The following HAUS6 variants were observed in gnomAD, a reference collection of about 807,000 sequenced individuals.
The protein encoded by HAUS6 is HAUS augmin like complex subunit 6.
HAUS6 carries 80 observed loss-of-function variants against 106.8 expected under a neutral mutation model. That is an observed-to-expected ratio of 0.75 (90% CI 0.63 to 0.90). The LOEUF (loss-of-function observed/expected upper bound fraction) is 0.90, where lower values mean the gene tolerates loss of function less well. HAUS6 is among the 40% of genes least tolerant of loss of function. The pLI is 0.00. For missense variants in HAUS6, 1,155 were observed against 1,118.1 expected, an observed-to-expected ratio of 1.03 and a Z score of -0.47; for synonymous variants, 356 against 379.1, an observed-to-expected ratio of 0.94 and a Z score of 0.71.
chr9:19,101,729 G>C (rs918811721), intron 1 of HAUS6, among the ~76,000 whole-genome samples: 1 of 152,210 alleles, frequency 6.6e-6, no homozygotes, highest in African/African-American at 2.4e-5. Context: ...AGACCATCCT[G>C]GCCAACATGG....
chr9:19,094,264 A>G, intron 3 of HAUS6, 53 bp downstream of exon 3: 1 of 1,020,890 alleles, frequency 9.8e-7, no homozygotes, highest in Non-Finnish European at 1.5e-6. Context: ...TAAAGAGTTA[A>G]AGTAGTTTTT....
chr9:19,070,246 A>G lies in HAUS6; in HGVS notation c.1349T>C (p.Leu450Ser). The G allele has an allele frequency of 3.1e-6, 5 of 1,599,084 alleles. No homozygotes were observed. Among genetic ancestry groups the G allele is most frequent in the Non-Finnish European group, 4.3e-6 (5 of 1,166,924 alleles). Residue 450 changes from leucine (L) to serine (S), a missense_variant, in exon 12 of 17, where the codon TTG (leucine) becomes TCG (serine). Leu to Ser is a moderately radical substitution (Grantham distance 145). Transcript: ENST00000380502. ...GTTGGCTAGATCATGTAGCGCTCCC[A>G]AGGTATCACTGTCTCCTCTGCAACC... ...ENGCRGDSDT[L>S]GALHDLANSP...
chr9:19,092,618 GAA>G (rs754952207), intron 4 of HAUS6, among the ~76,000 whole-genome samples: 17 of 55,006 alleles, frequency 3.1e-4, no homozygotes, highest in African/African-American at 1.0e-3. Flanking sequence ...CTCCGTCTCG[GAA>G]AAAAAAAAAA....
chr9:19,078,283 G>C lies in HAUS6; in HGVS notation c.1084C>G (p.Leu362Val), dbSNP rs1837055615. 6.7e-7 allele frequency: 1 copy of C among 1,499,188 alleles called. No homozygotes were observed. The highest frequency in any genetic ancestry group is 9.3e-7 in the Non-Finnish European group (1 of 1,077,054). The allele number at this position is 1,499,188 out of a possible 1,614,324, so 92.9% of individuals were successfully genotyped here. ...KHMRYRIKDD[L>V]TTIRHSVVEK... is the part of the protein sequence containing the mutation. ...ACAACAGAATGTCTTATAGTTGTGA[G>C]ATCATCTTTTATTCTATACCTATAA... The change falls in exon 10 of 17, where the codon CTC becomes GTC. Residue 362 changes from leucine (L) to valine (V), a missense_variant. Leu to Val is a conservative substitution (Grantham distance 32, BLOSUM62 1). Transcript: ENST00000380502.
At position 19,070,219 on chromosome 9, in the gene HAUS6, CT is replaced by C; in HGVS notation, c.1375del (p.Ser459AlafsTer83). 6.6e-7 allele frequency: 1 copy of C among 1,518,496 alleles called. No homozygotes were observed. Among genetic ancestry groups the C allele is most frequent in the Non-Finnish European group, 9.1e-7 (1 of 1,096,720 alleles). 94.1% of individuals were successfully genotyped at this position (1,518,496 alleles called of 1,614,324 possible). A position where few individuals can be genotyped will look rare whatever the true frequency, so the allele number is the denominator to read the frequency against. On this transcript the variant is annotated frameshift_variant and splice_region_variant, in exon 12 of 17. Transcript: ENST00000380502. LOFTEE classifies it high-confidence loss of function. ...TLGALHDLAN[S>X]PASFLSQSVS... ...CAAAAGAAAATCAAATTTGTTTTAC[CT>C]GTTGGCTAGATCATGTAGCGCTCCC...
At chr9:19,065,544 T>C (rs1209201425) in intron 12 of HAUS6, among the ~76,000 whole-genome samples, 1 of 152,186 alleles carries the variant, frequency 6.6e-6, no homozygotes, top group African/African-American at 2.4e-5. Flanking sequence ...ACTATGTTAA[T>C]GTTTTAAAAT....
At chr9:19,070,099 G>A in intron 12 of HAUS6, 120 bp downstream of exon 12, 1 of 644,976 alleles carries the variant, frequency 1.6e-6, no homozygotes, top group Non-Finnish European at 2.8e-6. Context: ...ATACAGAAAA[G>A]TTCTCCAACT....
intron 14 of HAUS6, 134 bp downstream of exon 14, chr9:19,062,874 C>T (rs567349446): frequency 4.3e-6 from 3 of 704,280 alleles, no homozygotes; most frequent in African/African-American, 3.6e-5. Flanking sequence ...CCATGTTGCC[C>T]ATGCTGGTCT....
At chr9:19,095,836 T>A (rs1159402088) in intron 2 of HAUS6, among the ~76,000 whole-genome samples, 1 of 152,146 alleles carries the variant, frequency 6.6e-6, no homozygotes, top group Non-Finnish European at 1.5e-5. Context: ...ATCTCCTTCT[T>A]AAACTAATAT....
chr9:19,100,130 G>A (rs970892916), intron 1 of HAUS6, among the ~76,000 whole-genome samples: 8 of 152,196 alleles, frequency 5.3e-5, no homozygotes, highest in African/African-American at 1.9e-4. Context: ...GGAGGCGGGG[G>A]TTGCAGTGAG....
chr9:19,096,607 G>C, intron 2 of HAUS6, 67 bp downstream of exon 2: 1 of 466,452 alleles, frequency 2.1e-6, no homozygotes, highest in Non-Finnish European at 3.9e-6. Context: ...ATTCTGGCTT[G>C]TATCAAAACG....
intron 11 of HAUS6, among the ~76,000 whole-genome samples, chr9:19,072,050 C>A (rs1415163113): frequency 1.1e-4 from 17 of 151,290 alleles, no homozygotes; most frequent in African/African-American, 1.5e-4. Context: ...ATCAGCTGGG[C>A]ATGGTGGCAC....
intron 15 of HAUS6, 93 bp from the exon 16 acceptor site, chr9:19,059,094 C>T: frequency 4.3e-6 from 3 of 698,384 alleles, no homozygotes; most frequent in Non-Finnish European, 7.3e-6. Context: ...AGATAAAGCT[C>T]CTGACTCAGT....
At chr9:19,079,762 G>C (rs1360563814) in intron 9 of HAUS6, among the ~76,000 whole-genome samples, 1 of 151,086 alleles carries the variant, frequency 6.6e-6, no homozygotes, top group African/African-American at 2.4e-5. Flanking sequence ...AATTAGCCAG[G>C]CGTGATGGCG....
At chr9:19,070,479 AAT>A (rs1836862007) in intron 11 of HAUS6, among the ~76,000 whole-genome samples, 179 bp from the exon 12 acceptor site, 1 of 152,230 alleles carries the variant, frequency 6.6e-6, no homozygotes, top group Non-Finnish European at 1.5e-5. Context: ...GCAGAAAAGT[AAT>A]AGAGAACATC....
At chr9:19,056,621 G>A (rs1836477812) in intron 16 of HAUS6, 7 of 448,476 alleles carry the variant, frequency 1.6e-5, no homozygotes, top group South Asian at 1.2e-4. Context: ...TTTTTTCTGC[G>A]ACAGGGTCTT....
intron 12 of HAUS6, among the ~76,000 whole-genome samples, chr9:19,067,707 A>T (rs974036281): frequency 9.2e-5 from 14 of 152,090 alleles, no homozygotes; most frequent in Admixed American, 5.9e-4. Context: ...TTTCTTTTTC[A>T]GATAGAGTTT....
intron 1 of HAUS6, among the ~76,000 whole-genome samples, chr9:19,100,836 C>T (rs1032316022): frequency 1.3e-5 from 2 of 152,158 alleles, no homozygotes; most frequent in South Asian, 4.1e-4. Context: ...ATAAACCAGG[C>T]ACGGAAAGAC....
chr9:19,098,674 C>T lies in HAUS6; in HGVS notation c.129-1905G>A, dbSNP rs550133839. ...CATATGATTTTTCCAAACTGCAAAC[C>T]TTTTGGGCAAATACCTTGGAATGGA... On this transcript the variant is annotated intron_variant, in intron 1 of 16. Coordinates refer to ENST00000380502, the MANE Select transcript of HAUS6 (RefSeq NM_017645.5). 4.6e-5 allele frequency among the ~76,000 whole-genome samples: 7 copies of T among 152,092 alleles called. No homozygotes were observed. The East Asian group carries it at 1.2e-3, about 25-fold the overall frequency.
Sources: gnomAD v4.1 joint callset for allele counts (sites outside exome capture counted in the v4.1 genomes callset) on GRCh38, gnomAD v4.1.1 for gene constraint, MANE v1.5 for transcripts, NCBI Gene and HGNC (gene_info 2026-07-23, HGNC 2026-07-21) for gene names.